SGIP1: variants seen among roughly 807,000 people sequenced by gnomAD.
The protein encoded by SGIP1 is SH3-containing GRB2-like protein 3-interacting protein 1.
Under a neutral mutation model 107.5 loss-of-function variants are expected in SGIP1, and 38 were observed. The ratio of observed to expected loss-of-function variants is 0.35; its 90% confidence interval spans 0.27 to 0.46. The LOEUF (loss-of-function observed/expected upper bound fraction) is 0.46. SGIP1 is among the 20% of genes least tolerant of loss of function. The pLI is 1.00. For synonymous variants in SGIP1, 365 were observed against 366.1 expected (o/e 1.00, Z 0.03); for missense variants, 929 against 1,019.5 (o/e 0.91, Z 1.21).
In SGIP1 at chr1:66,682,293, CCCA is replaced by C. The variant is rs1376227430; in HGVS notation, c.1248_1250del (p.Pro417del). On this transcript the variant is annotated inframe_deletion, in exon 15 of 25. Coordinates refer to ENST00000371037, the MANE Select transcript of SGIP1 (RefSeq NM_032291.4). ...TGGGACAAAGAGCAACTCCACCTCC[CCCA>C]CCACCACCCACCTACAGGACTGTGG... 6.2e-7 allele frequency: 1 copy of C among 1,614,100 alleles called. No individual in the cohort carries two copies. Among genetic ancestry groups the C allele is most frequent in the Non-Finnish European group, 8.5e-7 (1 of 1,180,042 alleles).
At chr1:66,714,755 G>T (rs2093132117) in intron 18 of SGIP1, among the ~76,000 whole-genome samples, 1 of 152,068 alleles carries the variant, frequency 6.6e-6, no homozygotes, top group Non-Finnish European at 1.5e-5. Context: ...CAAGGCCACA[G>T]AGCTCTTAAC....
At chr1:66,578,949 T>C (rs773002248) in intron 1 of SGIP1, among the ~76,000 whole-genome samples, 34 of 152,116 alleles carry the variant, frequency 2.2e-4, no homozygotes, top group Non-Finnish European at 4.4e-4. Flanking sequence ...TGGTATTTGT[T>C]TGTAGTGAAG....
At chr1:66,659,500 C>T (rs6666600) in intron 7 of SGIP1, among the ~76,000 whole-genome samples, 39,952 of 152,146 alleles carry the variant, frequency 0.26, 5,347 homozygotes, top group Admixed American at 0.28. Flanking sequence ...GCTTTCATTT[C>T]ATGACCGTGC....
chr1:66,612,536 T>A (rs560168124), intron 1 of SGIP1, among the ~76,000 whole-genome samples: 1 of 152,374 alleles, frequency 6.6e-6, no homozygotes, highest in South Asian at 2.1e-4. Context: ...CAGTTTACTA[T>A]TTCTCAACTC....
chr1:66,600,532 C>T (rs565208967), intron 1 of SGIP1, among the ~76,000 whole-genome samples: 1 of 152,270 alleles, frequency 6.6e-6, no homozygotes, highest in South Asian at 2.1e-4. Context: ...TATGTTTTAT[C>T]CCGAAGCACA....
chr1:66,675,541 C>CTTTTTTTTTTTTTTTTTT (rs71242802), intron 12 of SGIP1, among the ~76,000 whole-genome samples: 14 of 112,380 alleles, frequency 1.2e-4, no homozygotes, highest in South Asian at 2.8e-4. Context: ...CTTTTTCTTT[C>CTTTTTTTTTTTTTTTTTT]TTTTTTTTTT....
chr1:66,582,550 T>C (rs1569981690), intron 1 of SGIP1, among the ~76,000 whole-genome samples: 1 of 151,834 alleles, frequency 6.6e-6, no homozygotes. Flanking sequence ...TGTAAAGGGC[T>C]TTGCCAATTT....
chr1:66,644,571 C>CT (rs397786469), intron 7 of SGIP1, among the ~76,000 whole-genome samples: 1 of 36,126 alleles, frequency 2.8e-5, no homozygotes, highest in African/African-American at 2.0e-4. Flanking sequence ...GATGTGATCT[C>CT]GTACAGCATT....
At chr1:66,733,484 C>T (rs938882546) in intron 20 of SGIP1, among the ~76,000 whole-genome samples, 1 of 152,148 alleles carries the variant, frequency 6.6e-6, no homozygotes, top group Non-Finnish European at 1.5e-5. Flanking sequence ...CAATTATCAT[C>T]GCAATTAGTT....
chr1:66,569,474 G>A (rs2060096051), intron 1 of SGIP1, among the ~76,000 whole-genome samples: 1 of 151,650 alleles, frequency 6.6e-6, no homozygotes, highest in African/African-American at 2.4e-5. Flanking sequence ...TGCTTTTTCT[G>A]CATCTATTGA....
At chr1:66,533,528 TG>T (rs1010791451), upstream of SGIP1, 1 of 146,608 alleles carries the variant, frequency 6.8e-6, no homozygotes, top group African/African-American at 2.5e-5. Flanking sequence ...ATCATCCTTT[TG>T]GGGATGTTTA....
Position 66,682,214 on chromosome 1 carries a change from C to A in SGIP1, c.1160C>A (p.Thr387Asn), listed in dbSNP as rs202142149. The change falls in exon 15 of 25, where the codon ACC becomes AAC. Residue 387 changes from threonine to asparagine, a missense_variant. By Grantham distance (65) the Thr-to-Asn change is moderately conservative. This residue lies in a region of SGIP1 where 588 missense variants were observed against 588.6 expected (regional missense o/e 1.00). Coordinates refer to ENST00000371037, the MANE Select transcript of SGIP1 (RefSeq NM_032291.4). ...GTCCAGAAGAAAGTCGCTGAGCAGA[C>A]CTTCATTAAAGATGATTACTTAGAA... Reference protein sequence around the residue: ...EEVQKKVAEQTFIKDDYLETI... With the variant: ...EEVQKKVAEQNFIKDDYLETI... 11 of 1,614,098 alleles carry A rather than the reference C, an allele frequency of 6.8e-6. No individual in the cohort carries two copies. The highest frequency in any genetic ancestry group is 1.1e-5 in the South Asian group (1 of 91,086).
chr1:66,600,587 G>A lies in SGIP1; in HGVS notation c.11-25260G>A, dbSNP rs140678051. Among the ~76,000 whole-genome samples the A allele has an allele frequency of 3.2e-3, 481 of 152,338 alleles. 2 individuals carry two copies. The highest frequency in any genetic ancestry group is 0.011 in the African/African-American group (456 of 41,580). On this transcript the variant is annotated intron_variant, in intron 1 of 24. Transcript: ENST00000371037. The stretch of plus-strand genomic sequence containing the variant: ...GAACATGTGAGAAAGGGAATTCAGA[G>A]CAGAGAGAAGAGTGTGCTCAGAAAC...
In SGIP1 at chr1:66,704,349, T is replaced by C. The variant is rs542187142; in HGVS notation, c.1630+8856T>C. 1.1e-4 allele frequency: 16 copies of C among 152,254 alleles called. No homozygotes were observed. In the East Asian group the frequency reaches 1.9e-3, roughly 18 times the overall value. 9.4% of individuals were successfully genotyped at this position (152,254 alleles called of 1,614,324 possible). On this transcript the variant is annotated intron_variant, in intron 18 of 24. Transcript: ENST00000371037. ...TGGAAGCATCATGCCACTGCGTTGC[T>C]GTACACCCTTTGCCTCTACCAGAGC...
chr1:66,578,954 G>A (rs912548094), intron 1 of SGIP1, among the ~76,000 whole-genome samples: 17 of 152,128 alleles, frequency 1.1e-4, no homozygotes, highest in African/African-American at 4.1e-4. Flanking sequence ...TTTGTTTGTA[G>A]TGAAGCAAAT....
rs1386086296 is a variant in SGIP1, at chr1:66,729,290, T to C, written c.1769T>C (p.Met590Thr). ...TGTATCGTTAAGATTACCGGAGAAATGGTGTTGTCATTTCCTGCTGGCATC... is the reference window on the plus strand; with the variant it reads ...TGTATCGTTAAGATTACCGGAGAAACGGTGTTGTCATTTCCTGCTGGCATC... ...SKCIVKITGEMVLSFPAGITR... is the reference protein window; with the variant it reads ...SKCIVKITGETVLSFPAGITR... Residue 590 changes from methionine (M) to threonine (T), a missense_variant, in exon 20 of 25, where the codon ATG (methionine) becomes ACG (threonine). Met to Thr is a moderately conservative substitution (Grantham distance 81). Coordinates refer to ENST00000371037, the MANE Select transcript of SGIP1 (RefSeq NM_032291.4). 1.2e-6 allele frequency: 2 copies of C among 1,613,968 alleles called. No homozygotes were observed. The highest frequency in any genetic ancestry group is 1.3e-5 in the African/African-American group (1 of 74,908).
chr1:66,661,546 C>T (rs1311481113), intron 8 of SGIP1, among the ~76,000 whole-genome samples: 1 of 152,080 alleles, frequency 6.6e-6, no homozygotes, highest in Non-Finnish European at 1.5e-5. Flanking sequence ...TTTTGGTTTC[C>T]AAAAATAAAA....
chr1:66,696,740 G>C (rs1402045341), intron 18 of SGIP1, among the ~76,000 whole-genome samples: 1 of 152,192 alleles, frequency 6.6e-6, no homozygotes. Context: ...AGGAGAGGAT[G>C]TATCTTCTGC....
At chr1:66,631,680 TTTCTCTCTCTCTCTCTCTCTCTC>T (rs2074739604) in intron 2 of SGIP1, among the ~76,000 whole-genome samples, 1 of 123,658 alleles carries the variant, frequency 8.1e-6, no homozygotes, top group Non-Finnish European at 1.7e-5. Context: ...TCTCTCTCTC[TTTCTCTCTCTCTCTCTCTCTCTC>T]TCTCTCTCTC....
Sources: allele counts gnomAD v4.1 joint callset (sites outside exome capture counted in the v4.1 genomes callset), GRCh38; gene constraint gnomAD v4.1.1; regional missense constraint gnomAD v4.1.1; transcripts MANE v1.5; gene names NCBI Gene and HGNC (gene_info 2026-07-23, HGNC 2026-07-21).